Variants in FAT4 observed in about 807,000 individuals in gnomAD.
FAT4 encodes the protein FAT atypical cadherin 4, also known as protocadherin Fat 4.
In FAT4, 84 loss-of-function variants were observed where a neutral mutation model predicts 303.9. The ratio of observed to expected loss-of-function variants is 0.28; its 90% CI spans 0.23 to 0.33. FAT4 has a LOEUF of 0.33. FAT4 is among the 10% of genes least tolerant of loss of function. FAT4 has a pLI of 1.00. For synonymous variants in FAT4, 2,307 were observed against 2,298.8 expected, an observed-to-expected ratio of 1.00 and a Z score of -0.10; for missense variants, 6,005 against 6,146.8, an observed-to-expected ratio of 0.98 and a Z score of 0.77.
At chr4:125,428,530 G>C (rs188643059) in intron 7 of FAT4, among the ~76,000 whole-genome samples, 64 of 152,282 alleles carry the variant, frequency 4.2e-4, no homozygotes, top group Non-Finnish European at 7.5e-4. Context: ...ATGAGTGTGT[G>C]CATGTGCACA....
chr4:125,460,486 C>G (rs1191626123), intron 10 of FAT4, among the ~76,000 whole-genome samples: 1 of 151,936 alleles, frequency 6.6e-6, no homozygotes, highest in East Asian at 1.9e-4. Flanking sequence ...TTCTCTGTGT[C>G]CATGTGTTCT....
intron 2 of FAT4, among the ~76,000 whole-genome samples, chr4:125,333,851 G>A (rs970800228): frequency 3.9e-5 from 6 of 152,054 alleles, no homozygotes; most frequent in Non-Finnish European, 5.9e-5. Flanking sequence ...AAATATAAAA[G>A]AATAACTATC....
intron 10 of FAT4, among the ~76,000 whole-genome samples, chr4:125,454,176 GAAT>G (rs2126063824): frequency 6.6e-6 from 1 of 152,268 alleles, no homozygotes; most frequent in South Asian, 2.1e-4. Context: ...ATGTATTACA[GAAT>G]AATATTTTAA....
intron 2 of FAT4, among the ~76,000 whole-genome samples, chr4:125,334,409 A>G (rs1337545479): frequency 6.6e-6 from 1 of 152,062 alleles, no homozygotes; most frequent in Non-Finnish European, 1.5e-5. Context: ...TGGATCCACC[A>G]ACAGCTATAA....
At chr4:125,348,904 T>C (rs1461591686) in intron 2 of FAT4, among the ~76,000 whole-genome samples, 2 of 151,802 alleles carry the variant, frequency 1.3e-5, no homozygotes, top group African/African-American at 4.8e-5. Context: ...GAGTTCTCTA[T>C]AGTTAATTTC....
chr4:125,348,065 T>C (rs1283735683), intron 2 of FAT4, among the ~76,000 whole-genome samples: 1 of 151,784 alleles, frequency 6.6e-6, no homozygotes, highest in Non-Finnish European at 1.5e-5. Flanking sequence ...CATCACTCAG[T>C]CCCTGAACTA....
chr4:125,364,680 G>T (rs961318703), intron 2 of FAT4, among the ~76,000 whole-genome samples: 2 of 151,980 alleles, frequency 1.3e-5, no homozygotes, highest in East Asian at 1.9e-4. Context: ...AGCTGGAAAC[G>T]CATACAACTC....
At chr4:125,378,610 T>A (rs1450457431) in intron 2 of FAT4, among the ~76,000 whole-genome samples, 1 of 152,146 alleles carries the variant, frequency 6.6e-6, no homozygotes, top group Non-Finnish European at 1.5e-5. Flanking sequence ...ATATTTTCTC[T>A]TAGTAAGATA....
chr4:125,465,076 A>G (rs1483978421), intron 11 of FAT4, among the ~76,000 whole-genome samples: 3 of 152,202 alleles, frequency 2.0e-5, no homozygotes, highest in Admixed American at 1.3e-4. Flanking sequence ...AAAATATCTA[A>G]TTTTGAGGAA....
rs573326455 is a variant in FAT4 at position 125,330,749 on chromosome 4, C to T, written c.5175+9163C>T. ...GCATCTCAGCCTTTGTCCTTGTCCC[C>T]TTCAGTTTAGTCTAGCAACCAGAGT... On this transcript the variant is annotated intron_variant, in intron 2 of 17. Transcript: ENST00000394329. Among the ~76,000 whole-genome samples, 205 of 152,288 alleles carry T rather than the reference C, an allele frequency of 1.3e-3. 1 individual carries two copies. The highest frequency in any genetic ancestry group is 4.9e-3 in the African/African-American group (202 of 41,568).
At chr4:125,412,790 G>A (rs923015288) in intron 5 of FAT4, among the ~76,000 whole-genome samples, 2 of 151,808 alleles carry the variant, frequency 1.3e-5, no homozygotes, top group African/African-American at 4.8e-5. Context: ...TTTGATCTTA[G>A]ATATGAAAGA....
At chr4:125,338,525 C>G (rs1310910964) in intron 2 of FAT4, among the ~76,000 whole-genome samples, 1 of 152,074 alleles carries the variant, frequency 6.6e-6, no homozygotes, top group Non-Finnish European at 1.5e-5. Context: ...ATGCATGGTT[C>G]AAAGGTAAGC....
At chr4:125,331,738 T>A (rs1206536054) in intron 2 of FAT4, among the ~76,000 whole-genome samples, 5 of 152,224 alleles carry the variant, frequency 3.3e-5, no homozygotes, top group African/African-American at 7.2e-5. Context: ...ATAGAAACTT[T>A]GAAAACATTA....
In FAT4 at chr4:125,449,878, A is replaced by G. The variant is rs759133012; in HGVS notation, c.8868A>G (p.Thr2956=). The change falls in exon 10 of 18, where the codon ACA becomes ACG. Residue 2956 remains threonine (T), a synonymous_variant. Coordinates refer to ENST00000394329, the MANE Select transcript of FAT4 (RefSeq NM_001291303.3). ...VNINRHSFIV[T]SSDRGKPSLI... ...TCAACAGGCATAGTTTTATAGTGAC[A>G]TCTTCAGATCGAGGTAAACCTTCCT... 1.9e-6 allele frequency: 3 copies of G among 1,614,030 alleles called. No homozygotes were observed. Among genetic ancestry groups the G allele is most frequent in the South Asian group, 1.1e-5 (1 of 91,080 alleles).
chr4:125,470,281 G>T (rs13141482), intron 12 of FAT4, among the ~76,000 whole-genome samples: 7,378 of 152,206 alleles, frequency 0.048, 203 homozygotes, highest in East Asian at 0.062. Context: ...AATTCTTAAA[G>T]ACCCTAGGAT....
chr4:125,346,440 C>T (rs1732007657), intron 2 of FAT4, among the ~76,000 whole-genome samples: 1 of 151,626 alleles, frequency 6.6e-6, no homozygotes, highest in Non-Finnish European at 1.5e-5. Context: ...CCAATGAGCA[C>T]AAAACCTCAT....
intron 2 of FAT4, among the ~76,000 whole-genome samples, chr4:125,380,030 A>T (rs945048938): frequency 6.6e-6 from 1 of 152,056 alleles, no homozygotes; most frequent in African/African-American, 2.4e-5. Context: ...AGTAGCTGGG[A>T]TTACAGGCAT....
chr4:125,414,403 G>T (rs559891894), intron 5 of FAT4, among the ~76,000 whole-genome samples: 2 of 152,072 alleles, frequency 1.3e-5, no homozygotes, highest in African/African-American at 4.8e-5. Context: ...TGTCTCAAAG[G>T]TCCATTACTT....
intron 2 of FAT4, among the ~76,000 whole-genome samples, chr4:125,382,541 T>C (rs1215603197): frequency 1.3e-5 from 2 of 152,052 alleles, no homozygotes; most frequent in South Asian, 4.2e-4. Flanking sequence ...TCATCCAGGG[T>C]TTGTTGTTTC....
Sources: allele counts gnomAD v4.1 joint callset (sites outside exome capture counted in the v4.1 genomes callset), GRCh38; gene constraint gnomAD v4.1.1; transcripts MANE v1.5; gene names NCBI Gene and HGNC (gene_info 2026-07-23, HGNC 2026-07-21).